The following STAU1 variants were observed in gnomAD, a reference collection of about 807,000 sequenced individuals.
STAU1 encodes the protein double-stranded RNA-binding protein Staufen homolog 1.
In STAU1, 13 loss-of-function variants were observed where a neutral mutation model predicts 62.9. The ratio of observed to expected loss-of-function variants is 0.21; its 90% CI spans 0.13 to 0.33. The LOEUF (loss-of-function observed/expected upper bound fraction) is 0.33, where lower values mean the gene tolerates loss of function less well. STAU1 is among the 10% of genes least tolerant of loss of function. STAU1 has a pLI of 1.00. For synonymous variants in STAU1, 269 were observed against 265.1 expected (o/e 1.01, Z -0.14); for missense variants, 571 against 712.1 (o/e 0.80, Z 2.25).
At chr20:49,206,719 T>TTATACATATATATATA in the STAU1 span, among the ~76,000 whole-genome samples, 1 of 106,058 alleles carries the variant, frequency 9.4e-6, no homozygotes, top group African/African-American at 3.7e-5. Flanking sequence ...AAATGAAATT[T>TTATACATATATATATA]TATATATATA....
chr20:49,136,453 T>G (rs1319296436), intron 5 of STAU1, among the ~76,000 whole-genome samples: 2 of 152,194 alleles, frequency 1.3e-5, no homozygotes, highest in Non-Finnish European at 2.9e-5. Flanking sequence ...TGAGTCAAAT[T>G]GTACCTCATA....
chr20:49,178,227 TCC>T (rs2093683202), intron 1 of STAU1, among the ~76,000 whole-genome samples: 1 of 152,108 alleles, frequency 6.6e-6, no homozygotes, highest in Non-Finnish European at 1.5e-5. Flanking sequence ...TTTTTTGAAA[TCC>T]TCCAATTTCA....
At chr20:49,179,050 C>T (rs905970591) in intron 1 of STAU1, 14 of 150,838 alleles carry the variant, frequency 9.3e-5, no homozygotes, top group African/African-American at 3.0e-4. Context: ...CACTGCACTC[C>T]AGCCTGGGCG....
rs779685024 is a variant in STAU1, at chr20:49,151,669, T to C, written c.423A>G (p.Lys141=). 1.9e-6 allele frequency: 3 copies of C among 1,613,176 alleles called. No individual in the cohort carries two copies. Among genetic ancestry groups the C allele is most frequent in the East Asian group, 2.2e-5 (1 of 44,838 alleles). Reference sequence around the variant, plus strand: ...GTTTCGCAGCCTGTCTTGTCTTTCCTTTGCCATTAAATTGCTGTCCTCCCA... The same window carrying C: ...GTTTCGCAGCCTGTCTTGTCTTTCCCTTGCCATTAAATTGCTGTCCTCCCA... ...LSVGGQQFNG[K]GKTRQAAKHD... is the part of the protein sequence containing the mutation. The change falls in exon 5 of 14, where the codon AAA becomes AAG. Residue 141 remains lysine, a synonymous_variant. Transcript: ENST00000371856.
chr20:49,206,239 C>G, the STAU1 span, among the ~76,000 whole-genome samples: 2 of 151,374 alleles, frequency 1.3e-5, no homozygotes, highest in South Asian at 4.2e-4. Flanking sequence ...AGTGATCCAC[C>G]CGCCTTGGCC....
chr20:49,193,715 T>A, the STAU1 span, among the ~76,000 whole-genome samples: 3 of 151,938 alleles, frequency 2.0e-5, no homozygotes, highest in African/African-American at 7.3e-5. Flanking sequence ...CGCCCTGTAA[T>A]CCCAGCACTT....
chr20:49,217,506 A>C, the STAU1 span, among the ~76,000 whole-genome samples: 1 of 152,032 alleles, frequency 6.6e-6, no homozygotes. Context: ...ACCATTTTGC[A>C]TCCTTTGTAT....
At chr20:49,133,152 G>C (rs1177180462) in intron 6 of STAU1, among the ~76,000 whole-genome samples, 1 of 152,214 alleles carries the variant, frequency 6.6e-6, no homozygotes, top group African/African-American at 2.4e-5. Context: ...CCTGAACACA[G>C]AGTTGAGAGC....
intron 3 of STAU1, chr20:49,159,221 C>T (rs2093413941): frequency 6.5e-6 from 6 of 925,922 alleles, no homozygotes; most frequent in South Asian, 3.8e-5. Flanking sequence ...CCATCCGGTG[C>T]TACCTGCCAC....
chr20:49,118,230 C>T (rs1454003243), intron 10 of STAU1, 103 bp downstream of exon 10: 3 of 1,386,708 alleles, frequency 2.2e-6, no homozygotes, highest in Non-Finnish European at 3.0e-6. Context: ...GATAAAGACA[C>T]TTTGCATGCG....
In STAU1 at chr20:49,187,222, G is replaced by A. The variant is rs544466416; in HGVS notation, c.-160+894C>T. Among the ~76,000 whole-genome samples the A allele has an allele frequency of 5.3e-5, 8 of 152,260 alleles. No individual in the cohort carries two copies. The South Asian group carries it at 1.7e-3, about 32-fold the overall frequency. Reference sequence around the variant, plus strand: ...AGAAGAAGCTGGATGATGGCGGGGCGGGGAGAAATGGACAGGTTGCTCATC... The same window carrying A: ...AGAAGAAGCTGGATGATGGCGGGGCAGGGAGAAATGGACAGGTTGCTCATC... On this transcript the variant is annotated intron_variant, in intron 1 of 13. Coordinates refer to ENST00000371856, the MANE Select transcript of STAU1 (RefSeq NM_017453.4).
At chr20:49,203,259 T>C in the STAU1 span, among the ~76,000 whole-genome samples, 1 of 152,136 alleles carries the variant, frequency 6.6e-6, no homozygotes, top group Non-Finnish European at 1.5e-5. Context: ...ACCCCATCTC[T>C]ACCAAAAATA....
intron 4 of STAU1, among the ~76,000 whole-genome samples, 157 bp downstream of exon 4, chr20:49,153,776 G>T (rs908651356): frequency 3.3e-5 from 5 of 149,928 alleles, no homozygotes; most frequent in African/African-American, 1.2e-4. Context: ...GCGGGGGAGG[G>T]GCACAAAGGC....
At chr20:49,186,801 C>G (rs2093793272) in intron 1 of STAU1, among the ~76,000 whole-genome samples, 1 of 151,878 alleles carries the variant, frequency 6.6e-6, no homozygotes, top group Non-Finnish European at 1.5e-5. Flanking sequence ...CCAAAATCAA[C>G]CGGGAACCTG....
At chr20:49,141,595 T>G (rs569856951) in intron 5 of STAU1, among the ~76,000 whole-genome samples, 1 of 152,266 alleles carries the variant, frequency 6.6e-6, no homozygotes, top group Admixed American at 6.5e-5. Context: ...AGACTCCATC[T>G]CAAAACACAA....
chr20:49,146,963 G>A (rs1171582287), intron 5 of STAU1, among the ~76,000 whole-genome samples: 2 of 152,118 alleles, frequency 1.3e-5, no homozygotes, highest in Admixed American at 6.6e-5. Context: ...TAATAGCTCA[G>A]ACACTGAGTA....
rs576178287 is a variant in STAU1, at chr20:49,153,585, C to A, written c.344+348G>T. 1.9e-3 allele frequency among the ~76,000 whole-genome samples: 280 copies of A among 150,982 alleles called. 1 individual carries two copies. Among genetic ancestry groups the A allele is most frequent in the South Asian group, 0.014 (69 of 4,770 alleles). On this transcript the variant is annotated intron_variant, in intron 4 of 13. Transcript: ENST00000371856. ...AATCAGCCAGGCGTGGTGGCAGGTG[C>A]CTGTAATCCCAGCTATTCGGGAGGC... is the stretch of plus-strand genomic sequence containing the variant.
chr20:49,207,162 G>A, the STAU1 span, among the ~76,000 whole-genome samples: 1 of 152,118 alleles, frequency 6.6e-6, no homozygotes, highest in Non-Finnish European at 1.5e-5. Flanking sequence ...AGAATTTGAG[G>A]CTGCAGCGAG....
the STAU1 span, among the ~76,000 whole-genome samples, chr20:49,210,884 C>T: frequency 1.3e-5 from 2 of 152,104 alleles, no homozygotes; most frequent in Non-Finnish European, 2.9e-5. Context: ...TGTTATGCAA[C>T]CGTAATCTCT....
Sources: allele counts gnomAD v4.1 joint callset (sites outside exome capture counted in the v4.1 genomes callset), GRCh38; gene constraint gnomAD v4.1.1; transcripts MANE v1.5; gene names NCBI Gene and HGNC (gene_info 2026-07-23, HGNC 2026-07-21).